Variants in KIF6 observed in about 807,000 individuals in gnomAD.
KIF6 encodes kinesin family member 6, also known as kinesin-like protein KIF6.
Under a neutral mutation model 112.7 loss-of-function variants are expected in KIF6, and 106 were observed. The ratio of observed to expected loss-of-function variants is 0.94; its 90% CI spans 0.80 to 1.11. KIF6 has a LOEUF of 1.11. Among genes scored for constraint, KIF6 ranks in the 50% least tolerant of loss-of-function variants. The probability of loss-of-function intolerance (pLI) is 0.00; values close to 1 mark genes in which losing one functional copy is unlikely to be tolerated. For synonymous variants in KIF6, 339 were observed against 339.9 expected (o/e 1.00, Z 0.03); for missense variants, 929 against 964.0 (o/e 0.96, Z 0.48).
intron 13 of KIF6, among the ~76,000 whole-genome samples, chr6:39,436,069 G>T (rs1482940342): frequency 6.6e-6 from 1 of 152,164 alleles, no homozygotes; most frequent in East Asian, 1.9e-4. Context: ...GCTGGGGTAA[G>T]ATGGTATTTC....
In KIF6 at chr6:39,619,649, T is replaced by C. The variant is rs571842517; in HGVS notation, c.510-6331A>G. Among the ~76,000 whole-genome samples the C allele has an allele frequency of 2.0e-5, 3 of 152,282 alleles. No homozygotes were observed. In the East Asian group the frequency reaches 5.8e-4, roughly 29 times the overall value. ...GGACTCAGGACATAACTGGAAGCTGTTGGCCACTGCTATGGACATGTGAAG... is the reference window on the plus strand; with the variant it reads ...GGACTCAGGACATAACTGGAAGCTGCTGGCCACTGCTATGGACATGTGAAG... On this transcript the variant is annotated intron_variant, in intron 5 of 22. Transcript: ENST00000287152.
intron 13 of KIF6, among the ~76,000 whole-genome samples, chr6:39,460,387 G>A (rs369459919): frequency 2.3e-5 from 2 of 88,872 alleles, no homozygotes; most frequent in Non-Finnish European, 4.2e-5. Flanking sequence ...GGTGGGGGGA[G>A]GGGGGAGGGA....
intron 16 of KIF6, among the ~76,000 whole-genome samples, chr6:39,381,705 T>C (rs562528114): frequency 3.9e-5 from 6 of 152,200 alleles, no homozygotes; most frequent in African/African-American, 1.4e-4. Flanking sequence ...CCTAAGGAGC[T>C]TGGACGGCAA....
At chr6:39,369,423 G>T (rs1765802559) in intron 16 of KIF6, among the ~76,000 whole-genome samples, 1 of 152,200 alleles carries the variant, frequency 6.6e-6, no homozygotes, top group South Asian at 2.1e-4. Context: ...CCCTCAGGAA[G>T]AGCAGGGCAC....
intron 17 of KIF6, 89 bp from the exon 18 acceptor site, chr6:39,360,619 C>T: frequency 1.3e-6 from 2 of 1,493,828 alleles, no homozygotes; most frequent in South Asian, 2.4e-5. Flanking sequence ...GCCCGTGCCT[C>T]AGAATCCCGT....
chr6:39,725,086 G>A (rs1184089027), intron 1 of KIF6, among the ~76,000 whole-genome samples, 159 bp downstream of exon 1: 2 of 152,118 alleles, frequency 1.3e-5, no homozygotes, highest in Non-Finnish European at 2.9e-5. Flanking sequence ...GGGGGTCTTC[G>A]CGGCTGCAGG....
intron 13 of KIF6, among the ~76,000 whole-genome samples, chr6:39,526,855 A>C (rs1312413370): frequency 6.6e-6 from 1 of 152,270 alleles, no homozygotes; most frequent in Non-Finnish European, 1.5e-5. Context: ...AAGTGTGGTC[A>C]GTTCCAAAAG....
intron 13 of KIF6, among the ~76,000 whole-genome samples, chr6:39,507,698 T>C (rs865938851): frequency 3.3e-5 from 4 of 121,666 alleles, no homozygotes; most frequent in East Asian, 3.0e-4. Flanking sequence ...CTACCTTCCT[T>C]CCTTCCTCCC....
intron 19 of KIF6, among the ~76,000 whole-genome samples, chr6:39,353,035 T>C (rs1353543836): frequency 1.3e-5 from 2 of 152,212 alleles, no homozygotes; most frequent in Admixed American, 1.3e-4. Flanking sequence ...TTCTGTTTTT[T>C]TTTGTGGACA....
intron 15 of KIF6, among the ~76,000 whole-genome samples, chr6:39,406,263 C>T (rs113644756): frequency 0.051 from 7,769 of 152,230 alleles, 621 homozygotes; most frequent in African/African-American, 0.18. Context: ...CTGCCTCAGC[C>T]TCCCATAGTG....
intron 3 of KIF6, among the ~76,000 whole-genome samples, chr6:39,713,769 A>T (rs1157410573): frequency 1.3e-5 from 2 of 152,162 alleles, no homozygotes; most frequent in East Asian, 1.9e-4. Context: ...AGCCTACTTG[A>T]TTGTAAGTTA....
intron 13 of KIF6, among the ~76,000 whole-genome samples, chr6:39,486,052 T>C (rs1775091927): frequency 1.3e-5 from 2 of 152,190 alleles, no homozygotes; most frequent in Non-Finnish European, 2.9e-5. Flanking sequence ...TGAAGAACAA[T>C]GCTTGTGGCA....
intron 3 of KIF6, among the ~76,000 whole-genome samples, chr6:39,644,090 T>C (rs1214206337): frequency 6.6e-6 from 1 of 151,970 alleles, no homozygotes; most frequent in African/African-American, 2.4e-5. Flanking sequence ...CTCAACATAA[T>C]TGGTCATTAG....
At chr6:39,431,637 C>T (rs1771162258) in intron 13 of KIF6, among the ~76,000 whole-genome samples, 1 of 152,196 alleles carries the variant, frequency 6.6e-6, no homozygotes, top group Non-Finnish European at 1.5e-5. Flanking sequence ...ACAATTCATT[C>T]TTGTTTCCTG....
chr6:39,463,760 T>C (rs1245423387), intron 13 of KIF6, among the ~76,000 whole-genome samples: 1 of 152,184 alleles, frequency 6.6e-6, no homozygotes, highest in Non-Finnish European at 1.5e-5. Flanking sequence ...TGTCTTTTAT[T>C]AAATAAAAAT....
At chr6:39,492,072 C>T (rs908585887) in intron 13 of KIF6, among the ~76,000 whole-genome samples, 50 of 152,266 alleles carry the variant, frequency 3.3e-4, no homozygotes, top group African/African-American at 9.4e-4. Context: ...ATGACACCCA[C>T]GGCGAGACTG....
intron 16 of KIF6, among the ~76,000 whole-genome samples, chr6:39,372,363 A>G (rs1467486578): frequency 6.6e-6 from 1 of 152,182 alleles, no homozygotes; most frequent in African/African-American, 2.4e-5. Flanking sequence ...AAAAATTACA[A>G]TGCGCCTGGA....
rs1012374818 is a variant in KIF6 at position 39,450,745 on chromosome 6, C to T, written c.1646-19584G>A. The stretch of plus-strand genomic sequence containing the variant: ...GCCTGAGCCCGGGAGGTTGAGGCTT[C>T]AGTCAGCCATAATCGCACCACTGCA... On this transcript the variant is annotated intron_variant, in intron 13 of 22. Coordinates refer to ENST00000287152, the MANE Select transcript of KIF6 (RefSeq NM_145027.6). Among the ~76,000 whole-genome samples, 69 of 152,214 alleles carry T rather than the reference C, an allele frequency of 4.5e-4. 3 individuals carry two copies. The highest frequency in any genetic ancestry group is 2.9e-5 in the Non-Finnish European group (2 of 68,042).
chr6:39,587,325 T>C (rs1561839513), intron 7 of KIF6, among the ~76,000 whole-genome samples: 1 of 152,202 alleles, frequency 6.6e-6, no homozygotes, highest in Non-Finnish European at 1.5e-5. Flanking sequence ...TGCCTGTCAT[T>C]GTTCTAGTCC....
Sources: allele counts gnomAD v4.1 joint callset (sites outside exome capture counted in the v4.1 genomes callset), GRCh38; gene constraint gnomAD v4.1.1; transcripts MANE v1.5; gene names NCBI Gene and HGNC (gene_info 2026-07-23, HGNC 2026-07-21).